The following TMEM168 variants were observed in gnomAD, a reference collection of about 807,000 sequenced individuals.
TMEM168 encodes the protein transmembrane protein 168.
TMEM168 carries 40 observed loss-of-function variants against 53.2 expected under a neutral mutation model. The ratio of observed to expected loss-of-function variants is 0.75; its 90% CI spans 0.58 to 0.98. TMEM168 has a LOEUF of 0.98. Among genes scored for constraint, TMEM168 ranks in the 50% least tolerant of loss-of-function variants. TMEM168 has a pLI of 0.00. For missense variants in TMEM168, 771 were observed against 828.8 expected (o/e 0.93, Z 0.86); for synonymous variants, 282 against 293.0 (o/e 0.96, Z 0.38).
intron 4 of TMEM168, among the ~76,000 whole-genome samples, chr7:112,771,723 T>C (rs1792934678): frequency 6.6e-6 from 1 of 152,152 alleles, no homozygotes; most frequent in African/African-American, 2.4e-5. Context: ...CTGGAGTTCT[T>C]ATATTGGCAA....
rs754053022 is a variant in TMEM168, at chr7:112,767,571, T to A, written c.1720A>T (p.Thr574Ser). ...IAVQGAELIK[T>S]VDIEEADPPQ... ...GGGTCAGCTTCTTCAATATCTACTG[T>A]TTTTATCAACTCTGCTCCTTGCACT... The change falls in exon 5 of 5, where the codon ACA (threonine) becomes TCA (serine). Residue 574 changes from threonine to serine, a missense_variant. Transcript: ENST00000312814. 1.6e-5 allele frequency: 26 copies of A among 1,614,014 alleles called. No individual in the cohort carries two copies. The highest frequency in any genetic ancestry group is 1.7e-5 in the Non-Finnish European group (20 of 1,180,020).
intron 2 of TMEM168, 34 bp from the exon 3 acceptor site, chr7:112,775,352 A>C: frequency 6.3e-7 from 1 of 1,580,746 alleles, no homozygotes; most frequent in Non-Finnish European, 8.6e-7. Context: ...TACATAGTAC[A>C]TGTACATATG....
At chr7:112,780,246 T>C (rs910687741) in intron 2 of TMEM168, among the ~76,000 whole-genome samples, 2 of 152,204 alleles carry the variant, frequency 1.3e-5, no homozygotes, top group Non-Finnish European at 2.9e-5. Context: ...ACAGAGATAA[T>C]TTATGTCATG....
chr7:112,767,122 C>T lies in TMEM168; in HGVS notation c.*75G>A, dbSNP rs148736232. 12,795 of 1,407,318 alleles carry T rather than the reference C, an allele frequency of 9.1e-3. 67 individuals carry two copies. Among genetic ancestry groups the T allele is most frequent in the Non-Finnish European group, 0.011 (11,294 of 1,039,162 alleles). 87.2% of individuals were successfully genotyped at this position (1,407,318 alleles called of 1,614,324 possible). Reference sequence around the variant, plus strand: ...AAGGTATTTTCCACAAATAAAAATACAGCATACAAAAAATGGCAAGTTAGT... The same window carrying T: ...AAGGTATTTTCCACAAATAAAAATATAGCATACAAAAAATGGCAAGTTAGT... On this transcript the variant is annotated 3_prime_UTR_variant, in exon 5 of 5. Coordinates refer to ENST00000312814, the MANE Select transcript of TMEM168 (RefSeq NM_022484.6).
intron 4 of TMEM168, among the ~76,000 whole-genome samples, chr7:112,769,997 C>G (rs1792887747): frequency 6.6e-6 from 1 of 152,164 alleles, no homozygotes; most frequent in Non-Finnish European, 1.5e-5. Flanking sequence ...AAGTAAAATC[C>G]AGTTGTGATG....
Position 112,767,004 on chromosome 7 carries a change from A to G in TMEM168, c.*193T>C, listed in dbSNP as rs1584432651. ...ATTTACAGTAAGCATTTGACTCCCT[A>G]CATACTTTCATTATAAAATGTTTTT... On this transcript the variant is annotated 3_prime_UTR_variant, in exon 5 of 5. Transcript: ENST00000312814. 1 of 585,174 alleles carries G rather than the reference A, an allele frequency of 1.7e-6. No homozygotes were observed. The highest frequency in any genetic ancestry group is 2.9e-5 in the East Asian group (1 of 34,438). The allele number at this position is 585,174 out of a possible 1,614,324, so 36.2% of individuals were successfully genotyped here. A position where few individuals can be genotyped will look rare whatever the true frequency, so the allele number is the denominator to read the frequency against.
intron 2 of TMEM168, among the ~76,000 whole-genome samples, chr7:112,780,414 A>G (rs1793196022): frequency 6.6e-6 from 1 of 152,236 alleles, no homozygotes; most frequent in Non-Finnish European, 1.5e-5. Context: ...ATTCATAATT[A>G]CCAAAAAACT....
chr7:112,777,862 T>A (rs1793127544), intron 2 of TMEM168, among the ~76,000 whole-genome samples: 2 of 151,230 alleles, frequency 1.3e-5, no homozygotes, highest in East Asian at 1.9e-4. Flanking sequence ...TGTCTGTTGG[T>A]TTTGCTGCTT....
Position 112,762,668 on chromosome 7 carries a change from T to A in TMEM168, c.*4529A>T, listed in dbSNP as rs1792692549. 6.6e-6 allele frequency: 1 copy of A among 152,076 alleles called. No homozygotes were observed. 9.4% of individuals were successfully genotyped at this position (152,076 alleles called of 1,614,324 possible). ...GTCAACTTCATTTTTAAAATCAAAA[T>A]GGCTTTTAGGTATTGAATATTTCAA... On this transcript the variant is annotated 3_prime_UTR_variant, in exon 5 of 5. Coordinates refer to ENST00000312814, the MANE Select transcript of TMEM168 (RefSeq NM_022484.6).
rs1013556630 is a variant in TMEM168, at chr7:112,762,845, T to C, written c.*4352A>G. On this transcript the variant is annotated 3_prime_UTR_variant, in exon 5 of 5. Coordinates refer to ENST00000312814, the MANE Select transcript of TMEM168 (RefSeq NM_022484.6). ...ACTGCTTAAACTTCATCGTTTTATA[T>C]TGTTTCTATGTGTTATAATTAGTGA... 6.6e-6 allele frequency: 1 copy of C among 152,076 alleles called. No individual in the cohort carries two copies. The highest frequency in any genetic ancestry group is 2.4e-5 in the African/African-American group (1 of 41,446). 9.4% of individuals were successfully genotyped at this position (152,076 alleles called of 1,614,324 possible).
chr7:112,765,214 T>C lies in TMEM168; in HGVS notation c.*1983A>G, dbSNP rs367657439. On this transcript the variant is annotated 3_prime_UTR_variant, in exon 5 of 5. Transcript: ENST00000312814. The stretch of plus-strand genomic sequence containing the variant: ...GTAGGAGAATTCATCAAAGTGGACA[T>C]TCTATAAATTTTTGGTTAACAAATT... 6.6e-6 allele frequency: 1 copy of C among 152,210 alleles called. No homozygotes were observed. Among genetic ancestry groups the C allele is most frequent in the Non-Finnish European group, 1.5e-5 (1 of 68,034 alleles). The allele number at this position is 152,210 out of a possible 1,614,324, so 9.4% of individuals were successfully genotyped here.
intron 2 of TMEM168, among the ~76,000 whole-genome samples, chr7:112,783,429 T>TAA (rs1793282911): frequency 6.6e-6 from 1 of 152,198 alleles, no homozygotes; most frequent in Non-Finnish European, 1.5e-5. Flanking sequence ...TAAGACTCTT[T>TAA]AATCGATGAG....
In TMEM168 at chr7:112,790,325, A is replaced by G. The variant is rs1793515572; in HGVS notation, c.-294T>C. 6.6e-6 allele frequency: 1 copy of G among 152,320 alleles called. No individual in the cohort carries two copies. The highest frequency in any genetic ancestry group is 1.5e-5 in the Non-Finnish European group (1 of 68,106). 9.4% of individuals were successfully genotyped at this position (152,320 alleles called of 1,614,324 possible). On this transcript the variant is annotated 5_prime_UTR_variant, in exon 1 of 5. Coordinates refer to ENST00000312814, the MANE Select transcript of TMEM168 (RefSeq NM_022484.6). The stretch of plus-strand genomic sequence containing the variant: ...GAGGCCATACGCGCTAATACAGGCC[A>G]GTGTCGGCGTAAACTTTCTCCGTTA...
chr7:112,772,997 A>T lies in TMEM168; in HGVS notation c.1330T>A (p.Ser444Thr). The T allele has an allele frequency of 6.2e-7, 1 of 1,613,748 alleles. No individual in the cohort carries two copies. The highest frequency in any genetic ancestry group is 1.1e-5 in the South Asian group (1 of 91,080). ...TGGATAGCATTGAGCATGCCAGTAGACCTCAAATTTAACTCCTGTACATGT... is the reference window on the plus strand; with the variant it reads ...TGGATAGCATTGAGCATGCCAGTAGTCCTCAAATTTAACTCCTGTACATGT... ...PEHVQELNLR[S>T]TGMLNAIQRF... The change falls in exon 4 of 5, where the codon TCT becomes ACT. Residue 444 changes from serine (S) to threonine (T), a missense_variant. Coordinates refer to ENST00000312814, the MANE Select transcript of TMEM168 (RefSeq NM_022484.6).
At chr7:112,767,873 T>C in intron 4 of TMEM168, 129 bp from the exon 5 acceptor site, 2 of 698,130 alleles carry the variant, frequency 2.9e-6, no homozygotes, top group Non-Finnish European at 2.1e-6. Flanking sequence ...GTTCTTAGAA[T>C]TAAATAAGCA....
intron 3 of TMEM168, among the ~76,000 whole-genome samples, chr7:112,773,429 C>CTA (rs141678833): frequency 0.037 from 5,640 of 151,762 alleles, 328 homozygotes; most frequent in African/African-American, 0.13. Context: ...ATTAAAAAAA[C>CTA]TTCTTTAAAA....
chr7:112,773,457 A>G (rs1792985107), intron 3 of TMEM168, among the ~76,000 whole-genome samples: 1 of 152,086 alleles, frequency 6.6e-6, no homozygotes. Flanking sequence ...AACACAAAAT[A>G]AAAAAGCAAT....
At chr7:112,769,807 T>C (rs540450283) in intron 4 of TMEM168, among the ~76,000 whole-genome samples, 66 of 152,310 alleles carry the variant, frequency 4.3e-4, no homozygotes, top group Non-Finnish European at 8.7e-4. Flanking sequence ...GTAATTACCA[T>C]AATTGTTTTC....
intron 4 of TMEM168, among the ~76,000 whole-genome samples, chr7:112,768,772 A>G (rs1436079294): frequency 6.6e-6 from 1 of 152,176 alleles, no homozygotes; most frequent in Non-Finnish European, 1.5e-5. Context: ...AATTCTACGA[A>G]TCTATCTTAA....
Sources: allele counts gnomAD v4.1 joint callset (sites outside exome capture counted in the v4.1 genomes callset), GRCh38; gene constraint gnomAD v4.1.1; transcripts MANE v1.5; gene names NCBI Gene and HGNC (gene_info 2026-07-23, HGNC 2026-07-21).